FOXP1: variants seen among roughly 807,000 people sequenced by gnomAD.
FOXP1 encodes forkhead box P1.
In FOXP1, 15 loss-of-function variants were observed where a neutral mutation model predicts 98.2. The ratio of observed to expected loss-of-function variants is 0.15; its 90% CI spans 0.10 to 0.24. The LOEUF (loss-of-function observed/expected upper bound fraction) is 0.24, where lower values mean the gene tolerates loss of function less well. Ranked by LOEUF, FOXP1 falls within the 10% of genes least tolerant of loss-of-function variation. The pLI, the probability that FOXP1 is intolerant of heterozygous loss-of-function variation, is 1.00. For synonymous variants in FOXP1, 371 were observed against 314.5 expected (o/e 1.18, Z -1.90); for missense variants, 633 against 848.5 (o/e 0.75, Z 3.15).
At chr3:70,969,617 A>AT (rs2035755931) in intron 19 of FOXP1, 1 of 152,150 alleles carries the variant, frequency 6.6e-6, no homozygotes, top group African/African-American at 2.4e-5. Context: ...CATCATACTA[A>AT]AGGTCTCAAC....
At chr3:71,128,964 G>T in intron 6 of FOXP1, among the ~76,000 whole-genome samples, 1 of 151,884 alleles carries the variant, frequency 6.6e-6, no homozygotes, top group African/African-American at 2.4e-5. Context: ...CTGTATATCT[G>T]TTAAAGGGCA....
intron 4 of FOXP1, among the ~76,000 whole-genome samples, chr3:71,308,408 G>A (rs2074429582): frequency 6.6e-6 from 1 of 152,138 alleles, no homozygotes; most frequent in Admixed American, 6.5e-5. Context: ...GACCTTCTAA[G>A]GCTGCTGATT....
chr3:70,997,703 G>A (rs180947704), intron 13 of FOXP1, among the ~76,000 whole-genome samples: 1 of 152,348 alleles, frequency 6.6e-6, no homozygotes, highest in African/African-American at 2.4e-5. Flanking sequence ...TGAATGGACA[G>A]TCGCACTAGC....
intron 3 of FOXP1, among the ~76,000 whole-genome samples, chr3:71,434,338 C>T (rs2108405605): frequency 6.6e-6 from 1 of 152,122 alleles, no homozygotes; most frequent in African/African-American, 2.4e-5. Flanking sequence ...CCTTCCCACT[C>T]CAGTCCTGGG....
At chr3:71,402,692 T>G (rs1353304360) in intron 3 of FOXP1, among the ~76,000 whole-genome samples, 1 of 152,192 alleles carries the variant, frequency 6.6e-6, no homozygotes, top group Non-Finnish European at 1.5e-5. Flanking sequence ...CCTGTGTACA[T>G]AAGTGTATAT....
rs535637658 is a variant in FOXP1, at chr3:71,014,425, A to T, written c.974+1124T>A. On this transcript the variant is annotated intron_variant, in intron 12 of 20. Coordinates refer to ENST00000649528, the MANE Select transcript of FOXP1 (RefSeq NM_001349338.3). ...ATCACTGGCCATCAGAGAAACGCAA[A>T]TCAAAACCGCAATGAGATACCATCT... Among the ~76,000 whole-genome samples, 216 of 152,320 alleles carry T rather than the reference A, an allele frequency of 1.4e-3. 3 individuals are homozygous for T. The highest frequency in any genetic ancestry group is 2.2e-3 in the Admixed American group (34 of 15,302).
chr3:71,015,481 G>C (rs979662203), intron 12 of FOXP1, 68 bp downstream of exon 12: 7 of 1,105,212 alleles, frequency 6.3e-6, no homozygotes, highest in Non-Finnish European at 8.2e-6. Context: ...GGCATTTTAT[G>C]AGCAAAGCAT....
chr3:71,490,214 G>T (rs2090965041), intron 3 of FOXP1, among the ~76,000 whole-genome samples: 1 of 152,000 alleles, frequency 6.6e-6, no homozygotes. Flanking sequence ...GAAAAAAATG[G>T]GGCCAGGCAC....
chr3:71,312,946 G>A (rs1205035784), intron 4 of FOXP1, among the ~76,000 whole-genome samples: 19 of 151,992 alleles, frequency 1.3e-4, no homozygotes, highest in Non-Finnish European at 1.3e-4. Flanking sequence ...AGCTGAGATC[G>A]TGCCACTGCA....
intron 5 of FOXP1, among the ~76,000 whole-genome samples, chr3:71,237,037 G>A (rs2066846365): frequency 6.6e-6 from 1 of 150,912 alleles, no homozygotes; most frequent in Non-Finnish European, 1.5e-5. Flanking sequence ...TTTGAGACCA[G>A]CCTGACCAAC....
At chr3:71,561,881 G>A (rs546394473) in intron 2 of FOXP1, among the ~76,000 whole-genome samples, 1 of 152,044 alleles carries the variant, frequency 6.6e-6, no homozygotes, top group African/African-American at 2.4e-5. Context: ...TTTCTCTTGG[G>A]GGATATGGAA....
At chr3:71,059,715 T>TAAC (rs1031253055) in intron 7 of FOXP1, among the ~76,000 whole-genome samples, 1 of 152,128 alleles carries the variant, frequency 6.6e-6, no homozygotes, top group East Asian at 1.9e-4. Flanking sequence ...CATTTTATAT[T>TAAC]AACAACAACA....
intron 3 of FOXP1, among the ~76,000 whole-genome samples, chr3:71,406,897 C>A (rs921729105): frequency 6.6e-6 from 1 of 152,058 alleles, no homozygotes. Flanking sequence ...CCTGCCCCTG[C>A]AACTTAGGTA....
At chr3:71,083,943 C>T (rs1009018799) in intron 7 of FOXP1, among the ~76,000 whole-genome samples, 1 of 152,222 alleles carries the variant, frequency 6.6e-6, no homozygotes, top group African/African-American at 2.4e-5. Context: ...TAGTGTAACA[C>T]TTCCAAACAA....
intron 2 of FOXP1, chr3:71,572,593 C>T (rs780725752): frequency 6.6e-6 from 1 of 152,218 alleles, no homozygotes; most frequent in African/African-American, 2.4e-5. Flanking sequence ...AAACAAAATC[C>T]TGTATTTTGA....
intron 2 of FOXP1, among the ~76,000 whole-genome samples, chr3:71,557,484 T>G (rs2046226841): frequency 6.6e-6 from 1 of 151,912 alleles, no homozygotes; most frequent in Non-Finnish European, 1.5e-5. Context: ...CTTCACCTCA[T>G]GGTGGTCAAC....
Position 71,091,353 on chromosome 3 carries a change from C to T in FOXP1, c.282+21183G>A, listed in dbSNP as rs184192855. On this transcript the variant is annotated intron_variant, in intron 7 of 20. Coordinates refer to ENST00000649528, the MANE Select transcript of FOXP1 (RefSeq NM_001349338.3). Reference sequence around the variant, plus strand: ...AAAAATACAAATAAAATGAGCTGGGCATGGTGGCACATGCCAGTAATCCCA... The same window carrying T: ...AAAAATACAAATAAAATGAGCTGGGTATGGTGGCACATGCCAGTAATCCCA... 1.6e-4 allele frequency among the ~76,000 whole-genome samples: 25 copies of T among 152,104 alleles called. No homozygotes were observed. In the East Asian group the frequency reaches 4.8e-3, roughly 29 times the overall value.
intron 6 of FOXP1, among the ~76,000 whole-genome samples, chr3:71,125,110 C>A (rs1249282672): frequency 6.6e-6 from 1 of 152,162 alleles, no homozygotes; most frequent in Non-Finnish European, 1.5e-5. Flanking sequence ...CCATGCCTTG[C>A]CAATTCTCAA....
chr3:71,222,594 T>C (rs1253341044), intron 5 of FOXP1, among the ~76,000 whole-genome samples: 1 of 152,118 alleles, frequency 6.6e-6, no homozygotes, highest in Non-Finnish European at 1.5e-5. Flanking sequence ...ACCTTTTGTA[T>C]GTTTCGTAGA....
Sources: gnomAD v4.1 joint callset for allele counts (sites outside exome capture counted in the v4.1 genomes callset) on GRCh38, gnomAD v4.1.1 for gene constraint, MANE v1.5 for transcripts, NCBI Gene and HGNC (gene_info 2026-07-23, HGNC 2026-07-21) for gene names.